The following TTC28 variants were observed in gnomAD, a reference collection of about 807,000 sequenced individuals.
TTC28 encodes tetratricopeptide repeat protein 28.
A neutral mutation model predicts 198.0 loss-of-function variants in TTC28; 61 were observed. That is an observed-to-expected ratio of 0.31 (90% CI 0.25 to 0.38). The LOEUF (loss-of-function observed/expected upper bound fraction) is 0.38. Among genes scored for constraint, TTC28 ranks in the 10% least tolerant of loss-of-function variants. TTC28 has a pLI of 1.00. For synonymous variants in TTC28, 1,171 were observed against 1,297.8 expected (o/e 0.90, Z 2.10); for missense variants, 2,678 against 3,164.0 (o/e 0.85, Z 3.69).
rs201016789 is a variant in TTC28, at chr22:28,508,234, A to AAAAAGGGTC, written c.381+121309_381+121317dup. 9.8e-5 allele frequency among the ~76,000 whole-genome samples: 15 copies of AAAAAGGGTC among 152,316 alleles called. No homozygotes were observed. The East Asian group carries it at 1.9e-3, about 20-fold the overall frequency. On this transcript the variant is annotated intron_variant, in intron 2 of 22. Coordinates refer to ENST00000397906, the MANE Select transcript of TTC28 (RefSeq NM_001145418.2). ...ACCAAGCAAATGCAAAACAGAAAAA[A>AAAAAGGGTC]AAAAGGGTCTCAATCCTGGTTTCTG...
At chr22:28,272,982 T>A (rs1932186551) in intron 5 of TTC28, among the ~76,000 whole-genome samples, 1 of 152,146 alleles carries the variant, frequency 6.6e-6, no homozygotes, top group Non-Finnish European at 1.5e-5. Context: ...ACTAGAAAGA[T>A]AAAAGCCAAA....
At chr22:28,621,792 A>G (rs2051004595) in intron 2 of TTC28, among the ~76,000 whole-genome samples, 1 of 151,100 alleles carries the variant, frequency 6.6e-6, no homozygotes, top group African/African-American at 2.4e-5. Context: ...AAAGAAAAAG[A>G]GTATGAAGGA....
chr22:28,558,918 C>T (rs1294318319), intron 2 of TTC28, among the ~76,000 whole-genome samples: 1 of 151,504 alleles, frequency 6.6e-6, no homozygotes, highest in Non-Finnish European at 1.5e-5. Flanking sequence ...ACCTGTAATC[C>T]CAGCTACTCA....
intron 2 of TTC28, among the ~76,000 whole-genome samples, chr22:28,385,474 A>G (rs1340251929): frequency 6.6e-6 from 1 of 151,736 alleles, no homozygotes; most frequent in African/African-American, 2.4e-5. Flanking sequence ...TTTTAGTTTT[A>G]GGTTCACAGC....
chr22:28,586,185 A>C lies in TTC28; in HGVS notation c.381+43367T>G, dbSNP rs1229086096. Among the ~76,000 whole-genome samples, 3 of 151,776 alleles carry C rather than the reference A, an allele frequency of 2.0e-5. No individual in the cohort carries two copies. In the South Asian group the frequency reaches 6.2e-4, roughly 32 times the overall value. ...TCCCAGCTACTCGGGAGGCTGAGGC[A>C]GGAGAATAGCGTGAACCTGGGAGGC... On this transcript the variant is annotated intron_variant, in intron 2 of 22. Coordinates refer to ENST00000397906, the MANE Select transcript of TTC28 (RefSeq NM_001145418.2).
At chr22:28,122,980 GA>G (rs1194493916) in intron 6 of TTC28, among the ~76,000 whole-genome samples, 2 of 152,176 alleles carry the variant, frequency 1.3e-5, no homozygotes, top group African/African-American at 4.8e-5. Flanking sequence ...CGATTTTATT[GA>G]AATGGGGTAT....
At chr22:28,080,344 C>T (rs1362334448) in intron 12 of TTC28, among the ~76,000 whole-genome samples, 1 of 152,188 alleles carries the variant, frequency 6.6e-6, no homozygotes, top group Non-Finnish European at 1.5e-5. Context: ...TCCTGGCCAA[C>T]ACTGGTTATT....
intron 2 of TTC28, among the ~76,000 whole-genome samples, chr22:28,392,225 A>G (rs1346402166): frequency 6.6e-6 from 1 of 152,170 alleles, no homozygotes; most frequent in Non-Finnish European, 1.5e-5. Flanking sequence ...GCTTGCTAGG[A>G]GAACCACTGC....
intron 12 of TTC28, among the ~76,000 whole-genome samples, chr22:28,066,275 CGTGTGTGTGTGTGT>C (rs796325170): frequency 2.2e-5 from 3 of 135,602 alleles, no homozygotes; most frequent in East Asian, 2.0e-4. Context: ...ACCTAGTTAC[CGTGTGTGTGTGTGT>C]GTGTGTGTGT....
At chr22:28,540,864 A>G (rs1395523152) in intron 2 of TTC28, among the ~76,000 whole-genome samples, 1 of 152,208 alleles carries the variant, frequency 6.6e-6, no homozygotes, top group Non-Finnish European at 1.5e-5. Flanking sequence ...AACTACACAT[A>G]AGTCAATGGA....
chr22:28,353,677 T>A (rs2046033496), intron 2 of TTC28, among the ~76,000 whole-genome samples: 1 of 152,158 alleles, frequency 6.6e-6, no homozygotes, highest in South Asian at 2.1e-4. Context: ...ACCCTTACCT[T>A]ATACTATATA....
chr22:28,440,050 G>C (rs1314701747), intron 2 of TTC28, among the ~76,000 whole-genome samples: 4 of 152,166 alleles, frequency 2.6e-5, no homozygotes, highest in Non-Finnish European at 5.9e-5. Context: ...TGGCCAGGCC[G>C]GTCTCGAACT....
chr22:28,114,546 T>G (rs6005718), intron 6 of TTC28, among the ~76,000 whole-genome samples: 90 of 152,242 alleles, frequency 5.9e-4, no homozygotes, highest in African/African-American at 2.0e-3. Context: ...AAATCTCCAT[T>G]ATTTTTGCCA....
At chr22:28,643,159 A>C (rs2051396665) in intron 1 of TTC28, 1 of 152,096 alleles carries the variant, frequency 6.6e-6, no homozygotes, top group African/African-American at 2.4e-5. Flanking sequence ...CGCTGAACTT[A>C]ATGTGGACAC....
chr22:28,201,825 C>T (rs941698706), intron 5 of TTC28, among the ~76,000 whole-genome samples: 1 of 149,562 alleles, frequency 6.7e-6, no homozygotes, highest in Non-Finnish European at 1.5e-5. Flanking sequence ...TTTATGAGGA[C>T]TAGGTGAAAG....
chr22:28,427,842 A>T (rs1405078700), intron 2 of TTC28, among the ~76,000 whole-genome samples: 1 of 151,998 alleles, frequency 6.6e-6, no homozygotes, highest in Non-Finnish European at 1.5e-5. Flanking sequence ...AAAGGTAAAG[A>T]AGTCTCTCTT....
intron 2 of TTC28, among the ~76,000 whole-genome samples, chr22:28,610,587 A>T (rs2050803630): frequency 6.6e-6 from 1 of 152,162 alleles, no homozygotes; most frequent in Non-Finnish European, 1.5e-5. Context: ...CAAAGACCAA[A>T]GGTAGATAAA....
At chr22:28,349,637 T>C (rs2045962521) in intron 2 of TTC28, among the ~76,000 whole-genome samples, 1 of 152,182 alleles carries the variant, frequency 6.6e-6, no homozygotes, top group Non-Finnish European at 1.5e-5. Flanking sequence ...TGGACCTCAG[T>C]TTCCTCTTAC....
chr22:28,606,326 C>G (rs2050734607), intron 2 of TTC28, among the ~76,000 whole-genome samples: 1 of 151,972 alleles, frequency 6.6e-6, no homozygotes, highest in Admixed American at 6.6e-5. Context: ...CCTGACCTCG[C>G]GATCCACCTG....
Sources: gnomAD v4.1 joint callset for allele counts (sites outside exome capture counted in the v4.1 genomes callset) on GRCh38, gnomAD v4.1.1 for gene constraint, MANE v1.5 for transcripts, NCBI Gene and HGNC (gene_info 2026-07-23, HGNC 2026-07-21) for gene names.